The following FER1L6 variants were observed in gnomAD, a reference collection of about 807,000 sequenced individuals.
FER1L6 encodes the protein fer-1-like protein 6.
Under a neutral mutation model 219.2 loss-of-function variants are expected in FER1L6, and 177 were observed. That is an observed-to-expected ratio of 0.81 (90% CI 0.71 to 0.91). FER1L6 has a LOEUF of 0.91. FER1L6 is among the 40% of genes least tolerant of loss of function. The pLI is 0.00. For synonymous variants in FER1L6, 768 were observed against 824.3 expected (o/e 0.93, Z 1.17); for missense variants, 2,153 against 2,259.9 (o/e 0.95, Z 0.96).
intron 39 of FER1L6, among the ~76,000 whole-genome samples, chr8:124,110,072 T>C (rs1263096345): frequency 6.6e-6 from 1 of 152,006 alleles, no homozygotes; most frequent in Non-Finnish European, 1.5e-5. Flanking sequence ...TTAGCCTGCT[T>C]CCAGTTTCCC....
At chr8:123,985,230 T>C (rs1388061983) in intron 11 of FER1L6, 1 of 152,188 alleles carries the variant, frequency 6.6e-6, no homozygotes. Flanking sequence ...CATTAGTTTA[T>C]TCAGGTAAAA....
intron 13 of FER1L6, among the ~76,000 whole-genome samples, chr8:124,007,685 C>G (rs113368063): frequency 9.2e-5 from 14 of 152,292 alleles, no homozygotes; most frequent in African/African-American, 3.1e-4. Context: ...ACTTTGCTAT[C>G]CTCCTCTTGC....
At chr8:123,929,133 A>G (rs914078642) in intron 1 of FER1L6, among the ~76,000 whole-genome samples, 3 of 152,162 alleles carry the variant, frequency 2.0e-5, no homozygotes, top group Non-Finnish European at 4.4e-5. Context: ...GAGGTGTATT[A>G]AGGGATGGTT....
chr8:123,974,333 A>G (rs1350674695), intron 7 of FER1L6, among the ~76,000 whole-genome samples: 1 of 152,086 alleles, frequency 6.6e-6, no homozygotes, highest in Non-Finnish European at 1.5e-5. Context: ...ATTTACTGCC[A>G]TGTAGAAATG....
At chr8:123,972,586 C>T (rs1473503315) in intron 6 of FER1L6, among the ~76,000 whole-genome samples, 4 of 152,314 alleles carry the variant, frequency 2.6e-5, no homozygotes, top group East Asian at 3.9e-4. Flanking sequence ...TCTAGGAAAG[C>T]TCATTCCATT....
At chr8:123,917,614 C>T (rs971248273) in intron 1 of FER1L6, among the ~76,000 whole-genome samples, 1 of 152,112 alleles carries the variant, frequency 6.6e-6, no homozygotes. Flanking sequence ...AAATAATGCA[C>T]AATCTTTATT....
chr8:123,863,462 T>G (rs199995439), intron 1 of FER1L6, among the ~76,000 whole-genome samples: 11,045 of 85,814 alleles, frequency 0.13, 406 homozygotes, highest in African/African-American at 0.2. Context: ...TTCTGTTGAT[T>G]TGGGGTGGAG....
At chr8:124,016,479 A>G (rs186396756) in intron 15 of FER1L6, among the ~76,000 whole-genome samples, 2 of 152,258 alleles carry the variant, frequency 1.3e-5, no homozygotes, top group South Asian at 4.1e-4. Context: ...AAAAAAAAAT[A>G]AATATACCAA....
chr8:123,915,573 T>C (rs746379850), intron 1 of FER1L6, among the ~76,000 whole-genome samples: 8 of 152,284 alleles, frequency 5.3e-5, no homozygotes, highest in African/African-American at 1.2e-4. Context: ...ATGAATATGG[T>C]ATTTCACTAG....
intron 1 of FER1L6, among the ~76,000 whole-genome samples, chr8:123,893,913 C>G (rs1157653646): frequency 6.6e-5 from 10 of 152,136 alleles, no homozygotes; most frequent in Admixed American, 5.9e-4. Flanking sequence ...TTAGATTAAC[C>G]TTTGATTCTT....
chr8:123,977,056 G>C (rs1398606565), intron 9 of FER1L6, among the ~76,000 whole-genome samples: 2 of 152,234 alleles, frequency 1.3e-5, no homozygotes, highest in Non-Finnish European at 2.9e-5. Context: ...TTATGACAAG[G>C]AAATTGAGGT....
At position 124,013,434 on chromosome 8, in the gene FER1L6, G is replaced by T. The variant is rs757967425; in HGVS notation, c.1825G>T (p.Glu609Ter). ...CACCCCTGTGGTTTGTTTTCAGGAA[G>T]AAAGTATAGAAGAAGTGAGAGAATT... Reference protein sequence around the residue: ...MLEKMADFLEESIEEVRELIK... With the variant: ...MLEKMADFLE The change falls in exon 15 of 41, where the codon GAA (glutamate) becomes TAA (stop). Residue 609 changes from glutamate (E) to a stop codon, truncating the protein, a stop_gained. Transcript: ENST00000522917. LOFTEE classifies it high-confidence loss of function. 3 of 1,601,604 alleles carry T rather than the reference G, an allele frequency of 1.9e-6. No individual in the cohort carries two copies. The highest frequency in any genetic ancestry group is 1.7e-6 in the Non-Finnish European group (2 of 1,175,424).
chr8:124,103,388 C>A, intron 39 of FER1L6, 79 bp downstream of exon 39: 1 of 1,409,876 alleles, frequency 7.1e-7, no homozygotes, highest in East Asian at 2.3e-5. Flanking sequence ...ATTTTGTGAA[C>A]TTCAAGTAAA....
intron 1 of FER1L6, among the ~76,000 whole-genome samples, chr8:123,926,254 A>T (rs190494129): frequency 1.6e-4 from 24 of 152,276 alleles, no homozygotes; most frequent in African/African-American, 5.8e-4. Flanking sequence ...TGTCATATTG[A>T]GTGTTCTTTG....
At chr8:123,996,873 A>G (rs956145579) in intron 12 of FER1L6, among the ~76,000 whole-genome samples, 62 of 152,280 alleles carry the variant, frequency 4.1e-4, no homozygotes, top group African/African-American at 1.5e-3. Context: ...CTGATTGTAT[A>G]AAGAAGCAAA....
intron 1 of FER1L6, among the ~76,000 whole-genome samples, chr8:123,893,843 C>G (rs1399821413): frequency 2.6e-5 from 4 of 152,110 alleles, no homozygotes; most frequent in African/African-American, 9.7e-5. Context: ...TGTGATTTAT[C>G]TTTGGTGGAA....
chr8:124,042,461 G>C (rs951442517), intron 20 of FER1L6, among the ~76,000 whole-genome samples: 1 of 152,246 alleles, frequency 6.6e-6, no homozygotes, highest in South Asian at 2.1e-4. Context: ...TCATTCTACA[G>C]ATGAGGAAGG....
At chr8:124,080,529 G>C (rs1024109472) in intron 32 of FER1L6, among the ~76,000 whole-genome samples, 1 of 152,098 alleles carries the variant, frequency 6.6e-6, no homozygotes, top group Non-Finnish European at 1.5e-5. Context: ...TGTTGGCCAG[G>C]CTTGTCTCGA....
chr8:123,864,622 C>G (rs1326689639), intron 1 of FER1L6, among the ~76,000 whole-genome samples: 1 of 149,594 alleles, frequency 6.7e-6, no homozygotes. Context: ...GTACACCAAT[C>G]AGATGTAGAT....
Sources: allele counts gnomAD v4.1 joint callset (sites outside exome capture counted in the v4.1 genomes callset), GRCh38; gene constraint gnomAD v4.1.1; transcripts MANE v1.5; gene names NCBI Gene and HGNC (gene_info 2026-07-23, HGNC 2026-07-21).